The following DNAH11 variants were observed in gnomAD, a reference collection of about 807,000 sequenced individuals.
The protein encoded by DNAH11 is axonemal beta dynein heavy chain 11.
Under a neutral mutation model 526.0 loss-of-function variants are expected in DNAH11, and 442 were observed. The ratio of observed to expected loss-of-function variants is 0.84; its 90% CI spans 0.78 to 0.91. The LOEUF (loss-of-function observed/expected upper bound fraction) is 0.91. Among genes scored for constraint, DNAH11 ranks in the 40% least tolerant of loss-of-function variants. The pLI is 0.00. For synonymous variants in DNAH11, 2,461 were observed against 1,935.9 expected (o/e 1.27, Z -7.12); for missense variants, 6,989 against 5,448.7 (o/e 1.28, Z -8.90).
chr7:21,571,054 G>A (rs896079204), intron 7 of DNAH11, among the ~76,000 whole-genome samples: 2 of 152,154 alleles, frequency 1.3e-5, no homozygotes, highest in African/African-American at 4.8e-5. Context: ...TGCCTCTTCT[G>A]TCTCTGAATG....
intron 44 of DNAH11, among the ~76,000 whole-genome samples, chr7:21,725,481 T>G (rs138168635): frequency 1.4e-3 from 215 of 152,304 alleles, no homozygotes; most frequent in African/African-American, 5.0e-3. Context: ...TGTCATTAAT[T>G]TTTAAAAAGT....
chr7:21,594,674 G>C, intron 14 of DNAH11, among the ~76,000 whole-genome samples: 1 of 152,114 alleles, frequency 6.6e-6, no homozygotes, highest in East Asian at 1.9e-4. Context: ...GAGTGTTCCA[G>C]GCAGAGGAGA....
chr7:21,543,143 G>T lies in DNAH11; in HGVS notation c.-103G>T. 7.0e-7 allele frequency: 1 copy of T among 1,434,406 alleles called. No individual in the cohort carries two copies. The highest frequency in any genetic ancestry group is 1.5e-5 in the South Asian group (1 of 66,462). 88.9% of individuals were successfully genotyped at this position (1,434,406 alleles called of 1,614,324 possible). ...TAGGGTCTGCGCTCGCGGCGACCGC[G>T]GAGGAGGGTGGGCGCCTGCGGAGGT... On this transcript the variant is annotated 5_prime_UTR_variant, in exon 1 of 82. Coordinates refer to ENST00000409508, the MANE Select transcript of DNAH11 (RefSeq NM_001277115.2).
chr7:21,604,914 G>A (rs1053402627), intron 18 of DNAH11, among the ~76,000 whole-genome samples: 17 of 152,144 alleles, frequency 1.1e-4, no homozygotes, highest in African/African-American at 2.9e-4. Flanking sequence ...GAGAAGCCAC[G>A]AGAGGGAAGG....
At chr7:21,769,333 T>C (rs1332182657) in intron 55 of DNAH11, among the ~76,000 whole-genome samples, 2 of 152,198 alleles carry the variant, frequency 1.3e-5, no homozygotes, top group Non-Finnish European at 2.9e-5. Context: ...GAAGGTGTAA[T>C]TGACTTAAAT....
chr7:21,817,571 T>G (rs116702598), intron 64 of DNAH11, among the ~76,000 whole-genome samples: 3,136 of 148,920 alleles, frequency 0.021, 93 homozygotes, highest in African/African-American at 0.067. Context: ...TGCCTACCTG[T>G]AGTCCCAGCT....
intron 2 of DNAH11, among the ~76,000 whole-genome samples, chr7:21,551,045 T>C (rs553178069): frequency 1.3e-5 from 2 of 152,342 alleles, no homozygotes; most frequent in Admixed American, 6.5e-5. Flanking sequence ...CCATAATTCC[T>C]AAGTATTGCA....
intron 76 of DNAH11, among the ~76,000 whole-genome samples, chr7:21,887,945 G>T (rs1250040920): frequency 6.6e-6 from 1 of 152,094 alleles, no homozygotes; most frequent in African/African-American, 2.4e-5. Flanking sequence ...ATACTGCCCT[G>T]GCTGGAGTGC....
At chr7:21,811,044 A>G (rs1747261627) in intron 63 of DNAH11, among the ~76,000 whole-genome samples, 1 of 152,226 alleles carries the variant, frequency 6.6e-6, no homozygotes, top group Non-Finnish European at 1.5e-5. Flanking sequence ...GTGTCCATGG[A>G]CAGAACGGAT....
rs371659661 is a variant in DNAH11, at chr7:21,620,044, A to T, written c.4466A>T (p.Asp1489Val). The T allele has an allele frequency of 3.1e-6, 5 of 1,603,868 alleles. No individual in the cohort carries two copies. Among genetic ancestry groups the T allele is most frequent in the Middle Eastern group, 1.7e-4 (1 of 6,040 alleles). The part of the protein sequence containing the change: ...YRTGIPLLKS[D>V]EQLFETLEHN... Reference sequence around the variant, plus strand: ...ACAGGCATTCCATTACTAAAGTCTGATGAACAACTTTTTGAAACTCTAGAG... The same window carrying T: ...ACAGGCATTCCATTACTAAAGTCTGTTGAACAACTTTTTGAAACTCTAGAG... Residue 1489 changes from aspartate to valine, a missense_variant, in exon 25 of 82, where the codon GAT (aspartate) becomes GTT (valine). Coordinates refer to ENST00000409508, the MANE Select transcript of DNAH11 (RefSeq NM_001277115.2).
At chr7:21,568,872 C>T (rs1189224295) in intron 6 of DNAH11, among the ~76,000 whole-genome samples, 1 of 151,988 alleles carries the variant, frequency 6.6e-6, no homozygotes, top group Non-Finnish European at 1.5e-5. Context: ...ATGGAATACA[C>T]CATATGCCAC....
chr7:21,821,655 A>G (rs1216852874), intron 65 of DNAH11, among the ~76,000 whole-genome samples: 1 of 152,138 alleles, frequency 6.6e-6, no homozygotes, highest in Admixed American at 6.6e-5. Context: ...TGTGATGATC[A>G]AGTCAGGATG....
intron 33 of DNAH11, 53 bp downstream of exon 33, chr7:21,687,308 G>C: frequency 6.4e-7 from 1 of 1,556,340 alleles, no homozygotes; most frequent in Non-Finnish European, 8.7e-7. Flanking sequence ...CATTATTCCT[G>C]ATTGGGAATT....
intron 79 of DNAH11, among the ~76,000 whole-genome samples, chr7:21,897,443 C>G (rs1784558403): frequency 6.6e-6 from 1 of 151,990 alleles, no homozygotes; most frequent in Admixed American, 6.6e-5. Context: ...TAGCATACTT[C>G]TTTTCCCTTT....
chr7:21,580,266 A>G lies in DNAH11; in HGVS notation c.1594-1639A>G, dbSNP rs190052742. On this transcript the variant is annotated intron_variant, in intron 8 of 81. Coordinates refer to ENST00000409508, the MANE Select transcript of DNAH11 (RefSeq NM_001277115.2). ...CTTAAGCCGTATGTTCTCTATTACT[A>G]TACTAAGAAGAGGGATGTTAGGCGT... Among the ~76,000 whole-genome samples the G allele has an allele frequency of 9.8e-5, 15 of 152,328 alleles. No homozygotes were observed. In the East Asian group the frequency reaches 2.7e-3, roughly 27 times the overall value.
At position 21,880,896 on chromosome 7, in the gene DNAH11, A is replaced by C; in HGVS notation, c.12387+3A>C. ...ACTACTTAGAGGCAAACTCTAAAGT[A>C]AGTGCTAGTGGTCAAATAACCTCTT... On this transcript the variant is annotated splice_donor_region_variant and intron_variant, in intron 75 of 81. Transcript: ENST00000409508. 1 of 1,596,842 alleles carries C rather than the reference A, an allele frequency of 6.3e-7. No homozygotes were observed. The highest frequency in any genetic ancestry group is 8.5e-7 in the Non-Finnish European group (1 of 1,175,348).
At chr7:21,810,021 T>C (rs1265905613) in intron 63 of DNAH11, among the ~76,000 whole-genome samples, 1 of 152,224 alleles carries the variant, frequency 6.6e-6, no homozygotes, top group Non-Finnish European at 1.5e-5. Flanking sequence ...ACTCAGATCA[T>C]CATGTTATTG....
intron 65 of DNAH11, among the ~76,000 whole-genome samples, chr7:21,838,008 T>G (rs1782059129): frequency 2.0e-5 from 3 of 152,256 alleles, no homozygotes; most frequent in African/African-American, 7.2e-5. Flanking sequence ...ATACACATCC[T>G]GAAGTTAGGC....
At chr7:21,702,572 A>G in intron 36 of DNAH11, 138 bp from the exon 37 acceptor site, 2 of 678,420 alleles carry the variant, frequency 2.9e-6, no homozygotes, top group Non-Finnish European at 2.5e-6. Context: ...TTCAAAGAGC[A>G]GAAGAAAATA....
Sources: gnomAD v4.1 joint callset for allele counts (sites outside exome capture counted in the v4.1 genomes callset) on GRCh38, gnomAD v4.1.1 for gene constraint, MANE v1.5 for transcripts, NCBI Gene and HGNC (gene_info 2026-07-23, HGNC 2026-07-21) for gene names.